Variants in CACNA2D3 observed in about 807,000 individuals in gnomAD.
CACNA2D3 encodes calcium voltage-gated channel auxiliary subunit alpha2delta 3.
A neutral mutation model predicts 160.6 loss-of-function variants in CACNA2D3; 60 were observed. The observed-to-expected ratio is 0.37, with a 90% CI of 0.30 to 0.46. CACNA2D3 has a LOEUF of 0.46. CACNA2D3 is among the 20% of genes least tolerant of loss of function. The pLI is 1.00. For missense variants in CACNA2D3, 1,205 were observed against 1,365.0 expected (o/e 0.88, Z 1.85); for synonymous variants, 558 against 492.9 (o/e 1.13, Z -1.75).
intron 27 of CACNA2D3, chr3:54,925,295 AG>A: frequency 5.9e-6 from 7 of 1,188,408 alleles, no homozygotes; most frequent in Non-Finnish European, 8.4e-6. Context: ...TTGAATTTAC[AG>A]GTAATGTGCT....
intron 9 of CACNA2D3, among the ~76,000 whole-genome samples, chr3:54,620,561 CA>C (rs1468696035): frequency 2.0e-5 from 3 of 152,168 alleles, no homozygotes; most frequent in Admixed American, 6.5e-5. Flanking sequence ...AATTTCAGGA[CA>C]GTGGTAACAA....
chr3:54,942,463 T>G (rs190635744), intron 27 of CACNA2D3, among the ~76,000 whole-genome samples: 6 of 152,362 alleles, frequency 3.9e-5, no homozygotes, highest in African/African-American at 1.2e-4. Context: ...ATCTTGAGGC[T>G]GGGACCTTGA....
At chr3:54,229,143 G>A (rs1701724660) in intron 2 of CACNA2D3, among the ~76,000 whole-genome samples, 1 of 152,012 alleles carries the variant, frequency 6.6e-6, no homozygotes, top group African/African-American at 2.4e-5. Flanking sequence ...ATCTTTGTAA[G>A]GCCTCAAGGG....
chr3:54,315,757 T>C (rs1055530837), intron 2 of CACNA2D3, among the ~76,000 whole-genome samples: 1 of 151,848 alleles, frequency 6.6e-6, no homozygotes, highest in Admixed American at 6.6e-5. Flanking sequence ...CGTGAAAAGC[T>C]TCTGGCACCA....
chr3:54,527,678 C>A (rs1033040884), intron 5 of CACNA2D3, among the ~76,000 whole-genome samples: 3 of 152,170 alleles, frequency 2.0e-5, no homozygotes, highest in Non-Finnish European at 2.9e-5. Context: ...CAGCAACAGG[C>A]AGCTGGTAGC....
chr3:54,367,414 T>C (rs557389191), intron 3 of CACNA2D3, among the ~76,000 whole-genome samples: 1 of 152,248 alleles, frequency 6.6e-6, no homozygotes, highest in African/African-American at 2.4e-5. Context: ...CTCCACCGTA[T>C]GGGATGAGAG....
intron 31 of CACNA2D3, among the ~76,000 whole-genome samples, chr3:54,993,663 C>G (rs59941685): frequency 0.075 from 11,329 of 152,008 alleles, 1,247 homozygotes; most frequent in African/African-American, 0.24. Context: ...TTTGCTTTTA[C>G]CAACATACTT....
At chr3:54,851,833 T>C (rs1347168328) in intron 17 of CACNA2D3, among the ~76,000 whole-genome samples, 4 of 152,218 alleles carry the variant, frequency 2.6e-5, no homozygotes, top group Non-Finnish European at 5.9e-5. Flanking sequence ...AATGTGATAT[T>C]TTACATTCTT....
At chr3:54,819,481 C>G (rs115513411) in intron 14 of CACNA2D3, among the ~76,000 whole-genome samples, 4,268 of 152,162 alleles carry the variant, frequency 0.028, 67 homozygotes, top group Middle Eastern at 0.061. Context: ...GATTCTGACT[C>G]AAGCCTAATG....
At chr3:54,884,418 T>C (rs116265809) in intron 21 of CACNA2D3, among the ~76,000 whole-genome samples, 3,482 of 152,340 alleles carry the variant, frequency 0.023, 129 homozygotes, top group African/African-American at 0.079. Context: ...TCTAGTATTT[T>C]GCTACTTCTT....
At chr3:54,331,308 G>A (rs576720392) in intron 3 of CACNA2D3, among the ~76,000 whole-genome samples, 2 of 152,198 alleles carry the variant, frequency 1.3e-5, no homozygotes, top group African/African-American at 4.8e-5. Context: ...CAGCATGAAT[G>A]TCTCTATTGG....
chr3:54,220,668 C>T (rs970471076), intron 2 of CACNA2D3, among the ~76,000 whole-genome samples: 19 of 152,284 alleles, frequency 1.2e-4, no homozygotes, highest in Middle Eastern at 3.4e-3. Flanking sequence ...TCTTAGCCCC[C>T]ATCGTCCCTG....
intron 2 of CACNA2D3, among the ~76,000 whole-genome samples, chr3:54,186,268 A>G (rs1700876776): frequency 6.6e-6 from 1 of 152,230 alleles, no homozygotes; most frequent in Admixed American, 6.5e-5. Context: ...TTTTAGAGTT[A>G]ATAGTAAGTA....
At chr3:54,212,734 G>T (rs1465835248) in intron 2 of CACNA2D3, among the ~76,000 whole-genome samples, 2 of 152,108 alleles carry the variant, frequency 1.3e-5, no homozygotes, top group South Asian at 2.1e-4. Context: ...AGATGGTTGG[G>T]GGTGGGAATG....
intron 5 of CACNA2D3, among the ~76,000 whole-genome samples, chr3:54,545,091 A>G (rs922132885): frequency 7.9e-5 from 12 of 152,238 alleles, no homozygotes; most frequent in Admixed American, 1.3e-4. Context: ...GCCATTTAAA[A>G]TATGTTCCAA....
At chr3:54,662,260 G>A (rs1232122368) in intron 11 of CACNA2D3, among the ~76,000 whole-genome samples, 1 of 152,100 alleles carries the variant, frequency 6.6e-6, no homozygotes, top group Non-Finnish European at 1.5e-5. Flanking sequence ...CAAAGCATGT[G>A]CTTGCAGGGT....
At chr3:54,550,247 C>G (rs761495979) in intron 5 of CACNA2D3, among the ~76,000 whole-genome samples, 9 of 152,208 alleles carry the variant, frequency 5.9e-5, no homozygotes, top group African/African-American at 2.2e-4. Flanking sequence ...CCTGCATCGC[C>G]CGTCCCCTGC....
intron 2 of CACNA2D3, among the ~76,000 whole-genome samples, chr3:54,188,601 C>T (rs577449326): frequency 6.6e-6 from 1 of 152,130 alleles, no homozygotes; most frequent in Non-Finnish European, 1.5e-5. Flanking sequence ...TAGGGTTGCT[C>T]CTGCTGTTGG....
At chr3:54,534,381 G>A (rs1337897242) in intron 5 of CACNA2D3, among the ~76,000 whole-genome samples, 1 of 152,062 alleles carries the variant, frequency 6.6e-6, no homozygotes, top group African/African-American at 2.4e-5. Context: ...GTAACCTTCT[G>A]ATAGAAGAGC....
Sources: gnomAD v4.1 joint callset for allele counts (sites outside exome capture counted in the v4.1 genomes callset) on GRCh38, gnomAD v4.1.1 for gene constraint, MANE v1.5 for transcripts, NCBI Gene and HGNC (gene_info 2026-07-23, HGNC 2026-07-21) for gene names.